Variants in SLC2A11 observed in about 807,000 individuals in gnomAD.
The protein encoded by SLC2A11 is solute carrier family 2 member 11, also known as solute carrier family 2, facilitated glucose transporter member 11.
Under a neutral mutation model 52.1 loss-of-function variants are expected in SLC2A11, and 43 were observed. The observed-to-expected ratio is 0.82, with a 90% CI of 0.65 to 1.06. The LOEUF (loss-of-function observed/expected upper bound fraction) is 1.06. Among genes scored for constraint, SLC2A11 ranks in the 50% least tolerant of loss-of-function variants. The probability of loss-of-function intolerance (pLI) is 0.00; values close to 1 mark genes in which losing one functional copy is unlikely to be tolerated. For synonymous variants in SLC2A11, 261 were observed against 277.6 expected, an observed-to-expected ratio of 0.94 and a Z score of 0.59; for missense variants, 582 against 654.2, an observed-to-expected ratio of 0.89 and a Z score of 1.20.
chr22:23,868,889 GCTAA>G (rs1399288957), intron 3 of SLC2A11: 1 of 483,344 alleles, frequency 2.1e-6, no homozygotes, highest in African/African-American at 1.9e-5. Flanking sequence ...GCCAACAAGT[GCTAA>G]CTGACCTTAA....
chr22:23,857,437 T>A, upstream of SLC2A11: 1 of 1,611,754 alleles, frequency 6.2e-7, no homozygotes, highest in Non-Finnish European at 8.5e-7. Context: ...GCTTGGGGCT[T>A]AGCCGAGTAA....
intron 6 of SLC2A11, chr22:23,882,197 A>AAC (rs368679927): frequency 3.8e-4 from 141 of 369,266 alleles, no homozygotes; most frequent in East Asian, 3.2e-3. Flanking sequence ...GAGAGAGAGA[A>AAC]ACACACACAC....
chr22:23,877,735 G>A lies in SLC2A11; in HGVS notation c.560G>A (p.Gly187Asp). 6.3e-7 allele frequency: 1 copy of A among 1,593,812 alleles called. No homozygotes were observed. The highest frequency in any genetic ancestry group is 8.5e-7 in the Non-Finnish European group (1 of 1,171,590). ...QVVGLRELLG[G>D]PQAWPLLLAS... ...TGCCTCCTTAGGGAGCTCCTAGGTG[G>A]CCCTCAGGCCTGGCCCCTGCTGCTG... Residue 187 changes from glycine (G) to aspartate (D), a missense_variant, in exon 6 of 12, where the codon GGC becomes GAC. Transcript: ENST00000316185.
At chr22:23,875,271 C>G (rs746909824) in intron 4 of SLC2A11, 30 bp downstream of exon 4, 40 of 1,368,214 alleles carry the variant, frequency 2.9e-5, no homozygotes, top group Non-Finnish European at 3.4e-5. Flanking sequence ...CATCCTGCCT[C>G]TCTATGCCTA....
At chr22:23,857,829 C>G (rs1035566914), upstream of SLC2A11, 21 of 1,479,372 alleles carry the variant, frequency 1.4e-5, no homozygotes, top group Non-Finnish European at 1.9e-5. Flanking sequence ...AGCTTCGTCT[C>G]GACGGGTTTG....
chr22:23,858,162 T>A, intron 1 of SLC2A11, 133 bp downstream of exon 1: 1 of 1,311,876 alleles, frequency 7.6e-7, no homozygotes, highest in East Asian at 2.5e-5. Flanking sequence ...TGCTTGTATG[T>A]ACAGTGGCGT....
In SLC2A11 at chr22:23,884,865, C is replaced by T. The variant is rs2032950807; in HGVS notation, c.*16C>T. 1 of 1,612,192 alleles carries T rather than the reference C, an allele frequency of 6.2e-7. No homozygotes were observed. Among genetic ancestry groups the T allele is most frequent in the African/African-American group, 1.3e-5 (1 of 74,832 alleles). On this transcript the variant is annotated 3_prime_UTR_variant, in exon 12 of 12. Coordinates refer to ENST00000316185, the MANE Select transcript of SLC2A11 (RefSeq NM_001024939.4). This position sits in a 1 kb window ranked among gnomAD's most constrained non-coding sequence, Gnocchi z 4.3. ...AGAACTCTAGTCCCAAAGGGGTGGCCAGAGCCAAAGCCAGCTACTGTCCTG... is the reference window on the plus strand; with the variant it reads ...AGAACTCTAGTCCCAAAGGGGTGGCTAGAGCCAAAGCCAGCTACTGTCCTG...
intron 6 of SLC2A11, 61 bp from the exon 7 acceptor site, chr22:23,882,398 T>C: frequency 7.0e-7 from 1 of 1,423,232 alleles, no homozygotes. Context: ...GGGGCGTCCC[T>C]GTAGGGGGAC....
In SLC2A11 at chr22:23,868,508, T is replaced by G; in HGVS notation, c.157T>G (p.Trp53Gly). ...CATTCAGGAATTCACCAATGAGACATGGCAGGCGCGTACTGGAGAGCCACT... is the reference window on the plus strand; with the variant it reads ...CATTCAGGAATTCACCAATGAGACAGGGCAGGCGCGTACTGGAGAGCCACT... ...LHIQEFTNET[W>G]QARTGEPLPD... Residue 53 changes from tryptophan to glycine, a missense_variant, in exon 3 of 12, where the codon TGG becomes GGG. Transcript: ENST00000316185. 1 of 1,614,212 alleles carries G rather than the reference T, an allele frequency of 6.2e-7. No individual in the cohort carries two copies. The highest frequency in any genetic ancestry group is 8.5e-7 in the Non-Finnish European group (1 of 1,180,038).
intron 3 of SLC2A11, among the ~76,000 whole-genome samples, chr22:23,874,749 G>A (rs1601503272): frequency 6.6e-6 from 1 of 152,056 alleles, no homozygotes; most frequent in African/African-American, 2.4e-5. Context: ...ACCGCGCCCA[G>A]CCTAATTTTT....
intron 5 of SLC2A11, 47 bp downstream of exon 5, chr22:23,877,218 T>G (rs758473164): frequency 6.3e-7 from 1 of 1,576,364 alleles, no homozygotes; most frequent in South Asian, 1.2e-5. Flanking sequence ...GAGATACCAG[T>G]AAAAGCGTTT....
At chr22:23,860,965 C>A (rs1223178457) in intron 1 of SLC2A11, among the ~76,000 whole-genome samples, 1 of 151,920 alleles carries the variant, frequency 6.6e-6, no homozygotes, top group Admixed American at 6.5e-5. Flanking sequence ...CCTGCCTCAG[C>A]CTCCCCAGTA....
At chr22:23,857,786 G>A, upstream of SLC2A11, 7 of 1,439,964 alleles carry the variant, frequency 4.9e-6, no homozygotes, top group Non-Finnish European at 6.4e-6. Context: ...CAGCTGGTGC[G>A]GCCGCTCTCA....
At chr22:23,863,528 C>T (rs1250186402) in intron 2 of SLC2A11, among the ~76,000 whole-genome samples, 65 of 150,924 alleles carry the variant, frequency 4.3e-4, no homozygotes, top group Non-Finnish European at 2.9e-5. Context: ...GGGCTTCACA[C>T]AGCACTGAGG....
intron 3 of SLC2A11, among the ~76,000 whole-genome samples, chr22:23,873,710 T>C (rs1362224211): frequency 1.3e-5 from 2 of 152,192 alleles, no homozygotes; most frequent in Non-Finnish European, 2.9e-5. Flanking sequence ...TGGAGCAAAA[T>C]GCACTCACTA....
At chr22:23,859,038 A>C (rs999703822) in intron 1 of SLC2A11, among the ~76,000 whole-genome samples, 2 of 152,240 alleles carry the variant, frequency 1.3e-5, no homozygotes, top group Non-Finnish European at 2.9e-5. Flanking sequence ...ATCTCCATGC[A>C]TGATCTCATT....
At chr22:23,857,260 T>C (rs1457919041), upstream of SLC2A11, 1 of 745,114 alleles carries the variant, frequency 1.3e-6, no homozygotes, top group East Asian at 2.7e-5. Flanking sequence ...AGACATTTAG[T>C]CCAGAGACTG....
intron 3 of SLC2A11, chr22:23,869,479 C>T (rs1234668696): frequency 6.7e-6 from 1 of 149,632 alleles, no homozygotes; most frequent in Non-Finnish European, 1.5e-5. Context: ...CAGAACAAGA[C>T]TCCATCTCAA....
Position 23,868,579 on chromosome 22 carries a change from G to C in SLC2A11, c.228G>C (p.Leu76=). 2 of 1,614,204 alleles carry C rather than the reference G, an allele frequency of 1.2e-6. No homozygotes were observed. Among genetic ancestry groups the C allele is most frequent in the Non-Finnish European group, 1.7e-6 (2 of 1,180,034 alleles). ...VLLMWSLIVS[L]YPLGGLFGAL... ...TTATGTGGTCCCTCATCGTGTCTCT[G>C]TATCCCCTGGGAGGCCTCTTTGGAG... is the stretch of plus-strand genomic sequence containing the variant. The change falls in exon 3 of 12, where the codon CTG becomes CTC. Residue 76 remains leucine (L), a synonymous_variant. Coordinates refer to ENST00000316185, the MANE Select transcript of SLC2A11 (RefSeq NM_001024939.4).
Sources: allele counts gnomAD v4.1 joint callset (sites outside exome capture counted in the v4.1 genomes callset), GRCh38; gene constraint gnomAD v4.1.1; non-coding constraint Gnocchi (gnomAD v3.1); transcripts MANE v1.5; gene names NCBI Gene and HGNC (gene_info 2026-07-23, HGNC 2026-07-21).